The following NKAIN2 variants were observed in gnomAD, a reference collection of about 807,000 sequenced individuals.
The protein encoded by NKAIN2 is sodium/potassium-transporting ATPase subunit beta-1-interacting protein 2.
A neutral mutation model predicts 32.6 loss-of-function variants in NKAIN2; 14 were observed. The ratio of observed to expected loss-of-function variants is 0.43; its 90% CI spans 0.28 to 0.67. The LOEUF is 0.67. Ranked by LOEUF, NKAIN2 falls within the 30% of genes least tolerant of loss-of-function variation. NKAIN2 has a pLI of 0.17. For missense variants in NKAIN2, 198 were observed against 258.3 expected, an observed-to-expected ratio of 0.77 and a Z score of 1.60; for synonymous variants, 80 against 87.2, an observed-to-expected ratio of 0.92 and a Z score of 0.46.
At chr6:124,775,414 A>T (rs904298978) in intron 4 of NKAIN2, among the ~76,000 whole-genome samples, 1 of 152,200 alleles carries the variant, frequency 6.6e-6, no homozygotes, top group African/African-American at 2.4e-5. Context: ...TAAGAAGTTG[A>T]TACAGTACAG....
At chr6:124,682,426 G>A (rs924325114) in intron 4 of NKAIN2, among the ~76,000 whole-genome samples, 3 of 152,134 alleles carry the variant, frequency 2.0e-5, no homozygotes, top group Non-Finnish European at 2.9e-5. Context: ...GGGTCACAAT[G>A]TTTGAGTAGG....
intron 1 of NKAIN2, among the ~76,000 whole-genome samples, chr6:124,021,811 T>G (rs1780879233): frequency 6.6e-6 from 1 of 152,148 alleles, no homozygotes; most frequent in South Asian, 2.1e-4. Context: ...GTACTGCCTT[T>G]AATTATATTA....
rs145885125 is a variant in NKAIN2, at chr6:124,824,711, T to C, written c.*1482T>C. ...TCAATTTTTTAAAACTAACACACCA[T>C]TCTTTAGTGCAGTGAAATTCAAAAG... On this transcript the variant is annotated 3_prime_UTR_variant, in exon 7 of 7. Coordinates refer to ENST00000368417, the MANE Select transcript of NKAIN2 (RefSeq NM_001040214.3). The C allele has an allele frequency of 6.6e-6, 1 of 152,324 alleles. No homozygotes were observed. The highest frequency in any genetic ancestry group is 2.4e-5 in the African/African-American group (1 of 41,580). The allele number at this position is 152,324 out of a possible 1,614,324, so 9.4% of individuals were successfully genotyped here.
At chr6:124,191,546 C>T (rs911955606) in intron 1 of NKAIN2, among the ~76,000 whole-genome samples, 1 of 152,148 alleles carries the variant, frequency 6.6e-6, no homozygotes, top group African/African-American at 2.4e-5. Context: ...AGTCACCTCA[C>T]AACAGTGAGC....
At chr6:124,803,975 T>C (rs889674901) in intron 5 of NKAIN2, among the ~76,000 whole-genome samples, 2 of 152,158 alleles carry the variant, frequency 1.3e-5, no homozygotes, top group African/African-American at 4.8e-5. Flanking sequence ...CAATAACCCT[T>C]CGAAGCTGAA....
chr6:124,237,760 T>C (rs1420666311), intron 1 of NKAIN2, among the ~76,000 whole-genome samples: 1 of 152,148 alleles, frequency 6.6e-6, no homozygotes, highest in Admixed American at 6.6e-5. Flanking sequence ...ATGTCCAGTA[T>C]AGCAATATCT....
chr6:123,965,456 C>T (rs1056675867), intron 1 of NKAIN2, among the ~76,000 whole-genome samples: 9 of 152,088 alleles, frequency 5.9e-5, no homozygotes, highest in South Asian at 2.1e-4. Flanking sequence ...TCTCCATGGT[C>T]AAAAACTGCT....
At chr6:123,985,769 C>T (rs989307303) in intron 1 of NKAIN2, among the ~76,000 whole-genome samples, 10 of 152,084 alleles carry the variant, frequency 6.6e-5, no homozygotes, top group African/African-American at 2.4e-4. Context: ...GCAGGAAAAT[C>T]CTAGCCTAGA....
chr6:124,258,977 G>A (rs1009474835), intron 1 of NKAIN2, among the ~76,000 whole-genome samples: 1 of 152,084 alleles, frequency 6.6e-6, no homozygotes, highest in Admixed American at 6.6e-5. Flanking sequence ...CTTCCATAAA[G>A]TGCTTTGTAA....
chr6:123,822,157 G>A (rs1311857002), intron 1 of NKAIN2, among the ~76,000 whole-genome samples: 1 of 152,070 alleles, frequency 6.6e-6, no homozygotes, highest in East Asian at 1.9e-4. Context: ...ACTATATCCA[G>A]GTAAGTGATT....
intron 1 of NKAIN2, among the ~76,000 whole-genome samples, chr6:123,888,544 G>A (rs945061381): frequency 6.6e-6 from 1 of 151,880 alleles, no homozygotes; most frequent in African/African-American, 2.4e-5. Flanking sequence ...TGTATTTTTG[G>A]TCTTTTGTCT....
intron 1 of NKAIN2, among the ~76,000 whole-genome samples, chr6:124,020,340 C>T (rs1780807866): frequency 2.0e-5 from 3 of 152,182 alleles, no homozygotes; most frequent in Non-Finnish European, 2.9e-5. Flanking sequence ...AACATTGAGA[C>T]GTTTATTGGA....
chr6:124,146,027 A>G (rs1462562685), intron 1 of NKAIN2, among the ~76,000 whole-genome samples: 1 of 152,232 alleles, frequency 6.6e-6, no homozygotes, highest in African/African-American at 2.4e-5. Context: ...GGGAATTTGA[A>G]TAAGATTAGG....
At chr6:124,382,812 T>C (rs188271214) in intron 3 of NKAIN2, among the ~76,000 whole-genome samples, 1 of 152,186 alleles carries the variant, frequency 6.6e-6, no homozygotes, top group Non-Finnish European at 1.5e-5. Flanking sequence ...GTGGTGACAA[T>C]TTAATCACAA....
chr6:124,528,215 G>A (rs1167745058), intron 3 of NKAIN2, among the ~76,000 whole-genome samples: 1 of 152,174 alleles, frequency 6.6e-6, no homozygotes, highest in East Asian at 1.9e-4. Context: ...GATTGAAACA[G>A]AAAGATGTAT....
intron 1 of NKAIN2, among the ~76,000 whole-genome samples, chr6:123,992,850 G>A (rs1217961649): frequency 1.3e-5 from 2 of 152,086 alleles, no homozygotes; most frequent in Non-Finnish European, 2.9e-5. Flanking sequence ...TTCCCTTGTG[G>A]TACCCACTAA....
intron 1 of NKAIN2, among the ~76,000 whole-genome samples, chr6:124,245,166 C>T (rs1299350292): frequency 1.3e-5 from 2 of 151,992 alleles, no homozygotes; most frequent in East Asian, 1.9e-4. Flanking sequence ...CTTTTTTCAC[C>T]TAAGTGTGTT....
At chr6:124,155,258 A>G (rs182716451) in intron 1 of NKAIN2, among the ~76,000 whole-genome samples, 222 of 152,260 alleles carry the variant, frequency 1.5e-3, no homozygotes, top group African/African-American at 5.3e-3. Flanking sequence ...TAGCACTGTA[A>G]GATGACTCTA....
chr6:124,238,957 T>C (rs115489940), intron 1 of NKAIN2, among the ~76,000 whole-genome samples: 11,626 of 151,760 alleles, frequency 0.077, 477 homozygotes, highest in Middle Eastern at 0.1. Context: ...ATGGGCTAAA[T>C]GCACAACTAG....
Sources: allele counts gnomAD v4.1 joint callset (sites outside exome capture counted in the v4.1 genomes callset), GRCh38; gene constraint gnomAD v4.1.1; transcripts MANE v1.5; gene names NCBI Gene and HGNC (gene_info 2026-07-23, HGNC 2026-07-21).